PLXNA4: variants seen among roughly 807,000 people sequenced by gnomAD.
PLXNA4 encodes the protein plexin A4, also known as plexin-A4.
A neutral mutation model predicts 191.8 loss-of-function variants in PLXNA4; 44 were observed. The observed-to-expected ratio is 0.23, with a 90% CI of 0.18 to 0.29. The LOEUF (loss-of-function observed/expected upper bound fraction) is 0.29. Among genes scored for constraint, PLXNA4 ranks in the 10% least tolerant of loss-of-function variants. PLXNA4 has a pLI of 1.00. For missense variants in PLXNA4, 1,800 were observed against 2,488.8 expected, an observed-to-expected ratio of 0.72 and a Z score of 5.89; for synonymous variants, 1,082 against 1,009.5, an observed-to-expected ratio of 1.07 and a Z score of -1.36.
intron 29 of PLXNA4, among the ~76,000 whole-genome samples, chr7:132,142,403 T>C (rs1388830092): frequency 2.6e-5 from 4 of 152,236 alleles, no homozygotes; most frequent in African/African-American, 9.6e-5. Context: ...ATTATGTGTT[T>C]GGCTTGCTCG....
chr7:132,352,459 G>T (rs1237858977), intron 3 of PLXNA4: 1 of 152,266 alleles, frequency 6.6e-6, no homozygotes, highest in East Asian at 1.9e-4. Context: ...GGCAGTGGGA[G>T]GTGCAGGAGT....
intron 1 of PLXNA4, among the ~76,000 whole-genome samples, chr7:132,527,323 G>GC (rs1799437085): frequency 6.6e-6 from 1 of 152,024 alleles, no homozygotes; most frequent in Non-Finnish European, 1.5e-5. Flanking sequence ...ACCTTACTGA[G>GC]AAAATCTTGC....
chr7:132,133,657 C>T (rs1030636123), intron 30 of PLXNA4, among the ~76,000 whole-genome samples: 1 of 152,166 alleles, frequency 6.6e-6, no homozygotes, highest in Non-Finnish European at 1.5e-5. Context: ...TGGGAGGAGG[C>T]AGGGCTGAGG....
intron 1 of PLXNA4, among the ~76,000 whole-genome samples, chr7:132,533,845 C>T (rs143479530): frequency 5.9e-5 from 9 of 152,272 alleles, no homozygotes; most frequent in Non-Finnish European, 8.8e-5. Flanking sequence ...CATCTTAGAA[C>T]CAAGAACTCT....
chr7:132,550,507 G>A (rs1800514596), intron 1 of PLXNA4, among the ~76,000 whole-genome samples: 1 of 152,222 alleles, frequency 6.6e-6, no homozygotes, highest in African/African-American at 2.4e-5. Flanking sequence ...CATTTCTTCA[G>A]CTGCAGGAGG....
chr7:132,202,079 C>T (rs996401934), intron 12 of PLXNA4, among the ~76,000 whole-genome samples: 1 of 152,146 alleles, frequency 6.6e-6, no homozygotes, highest in Non-Finnish European at 1.5e-5. Context: ...TTCTCTGGGA[C>T]CCAGTGTCTG....
chr7:132,516,724 G>A (rs145185703), intron 1 of PLXNA4, among the ~76,000 whole-genome samples: 520 of 152,246 alleles, frequency 3.4e-3, no homozygotes, highest in Non-Finnish European at 6.4e-3. Flanking sequence ...TTGGAAGGCC[G>A]AGGCAGGTGG....
chr7:132,314,366 C>T (rs915220705), intron 3 of PLXNA4, among the ~76,000 whole-genome samples: 3 of 152,150 alleles, frequency 2.0e-5, no homozygotes, highest in Non-Finnish European at 2.9e-5. Context: ...TAAAACAAAA[C>T]GAAGCCCTCT....
chr7:132,632,088 TAGTC>T (rs1803501875), intron 2 of PLXNA4, among the ~76,000 whole-genome samples: 1 of 151,800 alleles, frequency 6.6e-6, no homozygotes, highest in Non-Finnish European at 1.5e-5. Flanking sequence ...ATACAAAAAT[TAGTC>T]AGGCGTGGTG....
At chr7:132,459,712 GA>G (rs1364132340) in intron 3 of PLXNA4, among the ~76,000 whole-genome samples, 1 of 152,166 alleles carries the variant, frequency 6.6e-6, no homozygotes, top group Non-Finnish European at 1.5e-5. Flanking sequence ...TGGTGGTGGG[GA>G]TGCTGGGGGC....
At chr7:132,467,236 C>T (rs931165808) in intron 3 of PLXNA4, among the ~76,000 whole-genome samples, 2 of 152,132 alleles carry the variant, frequency 1.3e-5, no homozygotes, top group East Asian at 1.9e-4. Context: ...GGTCTTGGGG[C>T]CAAAAGAGGT....
At chr7:132,173,832 G>A (rs909519623) in intron 21 of PLXNA4, among the ~76,000 whole-genome samples, 1 of 152,190 alleles carries the variant, frequency 6.6e-6, no homozygotes, top group African/African-American at 2.4e-5. Flanking sequence ...TGTAAGGCAG[G>A]TCACTGACAT....
intron 25 of PLXNA4, among the ~76,000 whole-genome samples, chr7:132,149,431 G>A (rs769527921): frequency 6.6e-5 from 10 of 152,160 alleles, no homozygotes; most frequent in Admixed American, 1.3e-4. Flanking sequence ...TACAAATCAC[G>A]TGTAGGTGGA....
chr7:132,501,713 T>A (rs139351564), intron 2 of PLXNA4, among the ~76,000 whole-genome samples: 1 of 152,136 alleles, frequency 6.6e-6, no homozygotes. Context: ...ACAGGTGCCA[T>A]CTCCGAGAGA....
intron 2 of PLXNA4, among the ~76,000 whole-genome samples, chr7:132,609,771 C>T (rs1015401944): frequency 1.3e-5 from 2 of 152,246 alleles, no homozygotes; most frequent in African/African-American, 4.8e-5. Context: ...TCCCGCTACA[C>T]TGGGCTGCCC....
intron 1 of PLXNA4, among the ~76,000 whole-genome samples, chr7:132,510,199 C>T (rs1798652282): frequency 1.3e-5 from 2 of 152,156 alleles, no homozygotes; most frequent in South Asian, 4.1e-4. Context: ...TTTTCTCATT[C>T]ACCCCCAAAC....
intron 3 of PLXNA4, among the ~76,000 whole-genome samples, chr7:132,362,781 AAAT>A (rs1563057568): frequency 1.3e-5 from 2 of 152,316 alleles, no homozygotes; most frequent in Admixed American, 6.5e-5. Flanking sequence ...CTATCATTAA[AAAT>A]AATAATAACA....
intron 4 of PLXNA4, among the ~76,000 whole-genome samples, chr7:132,262,362 G>A (rs945759288): frequency 6.6e-5 from 10 of 152,064 alleles, no homozygotes; most frequent in Non-Finnish European, 1.0e-4. Context: ...TGATGTCCTG[G>A]GCTGATGGAT....
At chr7:132,563,891 G>GCTC (rs529191672) in intron 1 of PLXNA4, among the ~76,000 whole-genome samples, 1 of 48,604 alleles carries the variant, frequency 2.1e-5, no homozygotes, top group Non-Finnish European at 3.8e-5. Flanking sequence ...TCCTTCTGCT[G>GCTC]CTCCTCCTCC....
Sources: gnomAD v4.1 joint callset for allele counts (sites outside exome capture counted in the v4.1 genomes callset) on GRCh38, gnomAD v4.1.1 for gene constraint, MANE v1.5 for transcripts, NCBI Gene and HGNC (gene_info 2026-07-23, HGNC 2026-07-21) for gene names.